Variants in SMCHD1 observed in about 807,000 individuals in gnomAD.
The protein encoded by SMCHD1 is structural maintenance of chromosomes flexible hinge domain containing 1, also known as structural maintenance of chromosomes flexible hinge domain-containing protein 1.
Under a neutral mutation model 254.7 loss-of-function variants are expected in SMCHD1, and 78 were observed. The ratio of observed to expected loss-of-function variants is 0.31; its 90% confidence interval spans 0.26 to 0.37. The LOEUF (loss-of-function observed/expected upper bound fraction) is 0.37. Among genes scored for constraint, SMCHD1 ranks in the 10% least tolerant of loss-of-function variants. The pLI, the probability that SMCHD1 is intolerant of heterozygous loss-of-function variation, is 1.00. For missense variants in SMCHD1, 1,840 were observed against 2,408.1 expected (o/e 0.76, Z 4.94); for synonymous variants, 766 against 794.9 (o/e 0.96, Z 0.61).
rs1269230904 is a variant in SMCHD1, at chr18:2,681,575, A to T, written c.639-6819A>T. On this transcript the variant is annotated intron_variant, in intron 5 of 47. Transcript: ENST00000320876. ...ACTCCAGCCTGGGCGACTGAGTGAGATCCTATCTCTCAAAAAAAAAAAAAA... is the reference window on the plus strand; with the variant it reads ...ACTCCAGCCTGGGCGACTGAGTGAGTTCCTATCTCTCAAAAAAAAAAAAAA... Among the ~76,000 whole-genome samples, 7 of 113,834 alleles carry T rather than the reference A, an allele frequency of 6.1e-5. No individual in the cohort carries two copies. The Admixed American group carries it at 7.2e-4, about 12-fold the overall frequency. The allele number at this position is 113,834 out of a possible 152,430, so 74.7% of individuals were successfully genotyped here. A position where few individuals can be genotyped will look rare whatever the true frequency, so the allele number is the denominator to read the frequency against.
intron 3 of SMCHD1, among the ~76,000 whole-genome samples, chr18:2,668,177 G>A (rs1163810610): frequency 6.6e-6 from 1 of 152,136 alleles, no homozygotes; most frequent in Non-Finnish European, 1.5e-5. Context: ...ACCATGCCCG[G>A]TCTGAACAGT....
chr18:2,781,262 T>C (rs910821256), intron 44 of SMCHD1, among the ~76,000 whole-genome samples: 1 of 152,226 alleles, frequency 6.6e-6, no homozygotes, highest in Non-Finnish European at 1.5e-5. Context: ...TCTCTTGAAC[T>C]TTGGCACTAA....
intron 45 of SMCHD1, among the ~76,000 whole-genome samples, chr18:2,787,644 A>G (rs1268113520): frequency 6.6e-6 from 1 of 152,178 alleles, no homozygotes; most frequent in Non-Finnish European, 1.5e-5. Flanking sequence ...CAAAACCAGA[A>G]AGAATTACCT....
chr18:2,673,329 G>A lies in SMCHD1; in HGVS notation c.473G>A (p.Arg158His), dbSNP rs531460906. 216 of 1,582,948 alleles carry A rather than the reference G, an allele frequency of 1.4e-4. No homozygotes were observed. The highest frequency in any genetic ancestry group is 1.8e-4 in the Non-Finnish European group (207 of 1,158,474). Residue 158 changes from arginine (R) to histidine (H), a missense_variant, in exon 4 of 48, where the codon CGT (arginine) becomes CAT (histidine). Arg to His is a conservative substitution (Grantham distance 29). Around this residue, in one of 9 missense-constraint regions of SMCHD1, gnomAD observed 498 missense variants for 743.5 expected, o/e 0.67. Coordinates refer to ENST00000320876, the MANE Select transcript of SMCHD1 (RefSeq NM_015295.3). Reference sequence around the variant, plus strand: ...GACAATTCATTGTCTGCTACTTCTCGTAACATTGGGGTTAGAAGAATACAG... The same window carrying A: ...GACAATTCATTGTCTGCTACTTCTCATAACATTGGGGTTAGAAGAATACAG... Reference protein sequence around the residue: ...LIDNSLSATSRNIGVRRIQIK... With the variant: ...LIDNSLSATSHNIGVRRIQIK...
At chr18:2,753,042 A>G (rs1259223717) in intron 34 of SMCHD1, 1 of 162,960 alleles carries the variant, frequency 6.1e-6, no homozygotes, top group African/African-American at 2.4e-5. Context: ...CCAATCATGG[A>G]AGCTCCACCC....
At chr18:2,765,110 C>T (rs1306804627) in intron 37 of SMCHD1, among the ~76,000 whole-genome samples, 1 of 152,022 alleles carries the variant, frequency 6.6e-6, no homozygotes, top group Non-Finnish European at 1.5e-5. Context: ...TGTTTACCGA[C>T]CATTTCTTTT....
At chr18:2,760,851 G>A in intron 35 of SMCHD1, 112 bp downstream of exon 35, 1 of 548,736 alleles carries the variant, frequency 1.8e-6, no homozygotes, top group Middle Eastern at 3.5e-4. Flanking sequence ...GTTTATGAAT[G>A]AAATATTTTG....
intron 44 of SMCHD1, among the ~76,000 whole-genome samples, chr18:2,780,974 G>A (rs2076148357): frequency 6.6e-6 from 1 of 152,244 alleles, no homozygotes. Context: ...AGGATTCTAA[G>A]TGGAAGTGGG....
At chr18:2,690,646 CTTTT>C (rs71365194) in intron 7 of SMCHD1, among the ~76,000 whole-genome samples, 6 of 133,580 alleles carry the variant, frequency 4.5e-5, no homozygotes, top group Admixed American at 7.6e-5. Flanking sequence ...TAATTTTTTT[CTTTT>C]TTTTTTTTTT....
At chr18:2,678,079 T>A (rs2073797146) in intron 5 of SMCHD1, among the ~76,000 whole-genome samples, 1 of 152,200 alleles carries the variant, frequency 6.6e-6, no homozygotes, top group South Asian at 2.1e-4. Flanking sequence ...TGTACTATCA[T>A]TTTCGTATAA....
At chr18:2,723,726 A>T (rs774785577) in intron 20 of SMCHD1, among the ~76,000 whole-genome samples, 24 of 152,100 alleles carry the variant, frequency 1.6e-4, no homozygotes, top group Admixed American at 7.9e-4. Flanking sequence ...TTCTGTTTTA[A>T]CCTTTTCAGA....
At chr18:2,676,327 T>A (rs1359548329) in intron 5 of SMCHD1, among the ~76,000 whole-genome samples, 2 of 151,902 alleles carry the variant, frequency 1.3e-5, no homozygotes, top group African/African-American at 4.8e-5. Flanking sequence ...AGAAAAAAAA[T>A]GTAGAATAAT....
intron 35 of SMCHD1, 72 bp from the exon 36 acceptor site, chr18:2,762,031 TTA>T: frequency 8.0e-7 from 1 of 1,250,440 alleles, no homozygotes; most frequent in South Asian, 1.5e-5. Flanking sequence ...TGTGCCATTG[TTA>T]TGTCTTCCCT....
At chr18:2,712,950 A>G (rs114544205) in intron 17 of SMCHD1, among the ~76,000 whole-genome samples, 229 of 152,050 alleles carry the variant, frequency 1.5e-3, no homozygotes, top group African/African-American at 5.1e-3. Flanking sequence ...TCTAACCACA[A>G]CTGTTTTCTT....
chr18:2,687,954 G>C (rs1159107294), intron 5 of SMCHD1, among the ~76,000 whole-genome samples: 1 of 152,094 alleles, frequency 6.6e-6, no homozygotes, highest in Non-Finnish European at 1.5e-5. Flanking sequence ...ATATTGTTAT[G>C]GTGCACTGTT....
chr18:2,736,868 C>T (rs1598386061), intron 25 of SMCHD1, among the ~76,000 whole-genome samples: 1 of 152,128 alleles, frequency 6.6e-6, no homozygotes, highest in African/African-American at 2.4e-5. Flanking sequence ...ATAGAACTAT[C>T]GTTTGAACCA....
chr18:2,707,705 A>G (rs1185659548), intron 16 of SMCHD1, 60 bp downstream of exon 16: 2 of 1,469,350 alleles, frequency 1.4e-6, no homozygotes, highest in Non-Finnish European at 1.9e-6. Flanking sequence ...TTACATTTCC[A>G]ATATGTAAAA....
chr18:2,706,082 C>T (rs1041479938), intron 14 of SMCHD1, among the ~76,000 whole-genome samples: 3 of 152,106 alleles, frequency 2.0e-5, no homozygotes, highest in Non-Finnish European at 4.4e-5. Context: ...AACTAGTAAA[C>T]ATTGGAGCCA....
intron 47 of SMCHD1, among the ~76,000 whole-genome samples, chr18:2,799,436 CT>C (rs1399058510): frequency 1.3e-5 from 2 of 152,152 alleles, no homozygotes; most frequent in Non-Finnish European, 2.9e-5. Flanking sequence ...ATCCTTACCC[CT>C]ATTCCATCCT....
Sources: allele counts gnomAD v4.1 joint callset (sites outside exome capture counted in the v4.1 genomes callset), GRCh38; gene constraint gnomAD v4.1.1; regional missense constraint gnomAD v4.1.1; transcripts MANE v1.5; gene names NCBI Gene and HGNC (gene_info 2026-07-23, HGNC 2026-07-21).